Variants in PAK5 observed in about 807,000 individuals in gnomAD.
PAK5 encodes p21 (RAC1) activated kinase 5.
Under a neutral mutation model 65.9 loss-of-function variants are expected in PAK5, and 16 were observed. That is an observed-to-expected ratio of 0.24 (90% CI 0.16 to 0.37). The LOEUF (loss-of-function observed/expected upper bound fraction) is 0.37. Among genes scored for constraint, PAK5 ranks in the 10% least tolerant of loss-of-function variants. The pLI is 1.00. For missense variants in PAK5, 785 were observed against 903.9 expected (o/e 0.87, Z 1.69); for synonymous variants, 371 against 354.9 (o/e 1.05, Z -0.51).
chr20:9,705,615 A>G (rs2047996867), intron 2 of PAK5, among the ~76,000 whole-genome samples: 1 of 152,116 alleles, frequency 6.6e-6, no homozygotes, highest in South Asian at 2.1e-4. Flanking sequence ...GCATCCTGGA[A>G]AACTCCTCAG....
chr20:9,549,298 G>C (rs1375594678), intron 7 of PAK5, among the ~76,000 whole-genome samples: 1 of 152,076 alleles, frequency 6.6e-6, no homozygotes, highest in East Asian at 1.9e-4. Flanking sequence ...ATACAAATAA[G>C]GGAGAGGAGA....
At chr20:9,601,583 C>T (rs559088277) in intron 3 of PAK5, among the ~76,000 whole-genome samples, 1 of 152,188 alleles carries the variant, frequency 6.6e-6, no homozygotes, top group South Asian at 2.1e-4. Flanking sequence ...TCGATTCTTC[C>T]CTCCTTCCCT....
intron 2 of PAK5, among the ~76,000 whole-genome samples, chr20:9,710,224 G>C (rs1286172795): frequency 6.6e-6 from 1 of 152,088 alleles, no homozygotes; most frequent in African/African-American, 2.4e-5. Flanking sequence ...CAGGAAGCAG[G>C]AGAAGAGCTA....
At chr20:9,622,934 T>C (rs2046792228) in intron 3 of PAK5, among the ~76,000 whole-genome samples, 1 of 152,206 alleles carries the variant, frequency 6.6e-6, no homozygotes, top group Non-Finnish European at 1.5e-5. Flanking sequence ...ATTGAATTAA[T>C]TCTGAATGGA....
intron 1 of PAK5, among the ~76,000 whole-genome samples, chr20:9,831,452 T>C (rs1392569208): frequency 6.6e-6 from 1 of 152,260 alleles, no homozygotes; most frequent in Non-Finnish European, 1.5e-5. Context: ...TGTATATCAC[T>C]GCTTATTTGT....
intron 3 of PAK5, among the ~76,000 whole-genome samples, chr20:9,595,168 T>A (rs1397905583): frequency 1.3e-5 from 2 of 151,782 alleles, no homozygotes; most frequent in African/African-American, 4.8e-5. Flanking sequence ...ATCTAGCCCC[T>A]AAACTTCAGA....
At chr20:9,707,364 C>A (rs6141011) in intron 2 of PAK5, among the ~76,000 whole-genome samples, 101,960 of 151,660 alleles carry the variant, frequency 0.67, 34,491 homozygotes, top group East Asian at 0.84. Context: ...TCTACCTCAG[C>A]CTCTTAAAGT....
At chr20:9,612,591 C>T (rs219849) in intron 3 of PAK5, among the ~76,000 whole-genome samples, 72,388 of 151,848 alleles carry the variant, frequency 0.48, 17,657 homozygotes, top group South Asian at 0.72. Flanking sequence ...ATCATGAGGA[C>T]AGTACCAAGA....
At chr20:9,806,877 T>TC (rs2049239225) in intron 1 of PAK5, among the ~76,000 whole-genome samples, 1 of 152,168 alleles carries the variant, frequency 6.6e-6, no homozygotes, top group Admixed American at 6.6e-5. Context: ...ACAGAATGGG[T>TC]CTTATGCATG....
intron 1 of PAK5, among the ~76,000 whole-genome samples, chr20:9,793,112 C>G (rs1177746156): frequency 6.6e-6 from 1 of 152,094 alleles, no homozygotes; most frequent in East Asian, 1.9e-4. Context: ...TGTATCACAT[C>G]AATACACTGG....
chr20:9,627,433 A>C (rs1173313116), intron 3 of PAK5, among the ~76,000 whole-genome samples: 1 of 152,170 alleles, frequency 6.6e-6, no homozygotes, highest in Non-Finnish European at 1.5e-5. Flanking sequence ...TGCTAATGTC[A>C]GATGCTGCTG....
At chr20:9,667,212 G>A (rs1374389524) in intron 2 of PAK5, among the ~76,000 whole-genome samples, 2 of 152,168 alleles carry the variant, frequency 1.3e-5, no homozygotes, top group Non-Finnish European at 2.9e-5. Context: ...GGGAGGCAGA[G>A]GTTGCAGTTA....
chr20:9,836,807 AAATTATGATT>A (rs1979184402), intron 1 of PAK5, among the ~76,000 whole-genome samples: 1 of 152,220 alleles, frequency 6.6e-6, no homozygotes, highest in Non-Finnish European at 1.5e-5. Flanking sequence ...CTGGTGGTTT[AAATTATGATT>A]AATCCGTACA....
In PAK5 at chr20:9,537,733, A is replaced by T. The variant is rs747477459; in HGVS notation, c.*1729T>A. 42 of 221,222 alleles carry T rather than the reference A, an allele frequency of 1.9e-4. No homozygotes were observed. The highest frequency in any genetic ancestry group is 3.5e-4 in the Non-Finnish European group (39 of 110,612). 13.7% of individuals were successfully genotyped at this position (221,222 alleles called of 1,614,324 possible). ...ATTTAGATTGTTTTTATTCTCACAT[A>T]TTTATATTAATGCTTTAATATTTTA... On this transcript the variant is annotated 3_prime_UTR_variant, in exon 10 of 10. Coordinates refer to ENST00000353224, the MANE Select transcript of PAK5 (RefSeq NM_177990.4).
intron 2 of PAK5, among the ~76,000 whole-genome samples, chr20:9,690,245 T>G (rs1226288499): frequency 6.6e-6 from 1 of 152,182 alleles, no homozygotes; most frequent in Non-Finnish European, 1.5e-5. Flanking sequence ...CCATCTAAAA[T>G]GCCCCCATGT....
chr20:9,549,629 C>T (rs1024239306), intron 7 of PAK5, among the ~76,000 whole-genome samples: 7 of 152,128 alleles, frequency 4.6e-5, no homozygotes, highest in Admixed American at 6.5e-5. Context: ...AAACTCAGGA[C>T]GCCAATTCAT....
At chr20:9,671,999 G>T (rs900345256) in intron 2 of PAK5, among the ~76,000 whole-genome samples, 22 of 152,042 alleles carry the variant, frequency 1.4e-4, no homozygotes, top group Non-Finnish European at 2.8e-4. Flanking sequence ...AAAGAGCTTT[G>T]TTCCTAGTCT....
chr20:9,781,662 A>G (rs954795282), intron 1 of PAK5, among the ~76,000 whole-genome samples: 1 of 152,058 alleles, frequency 6.6e-6, no homozygotes, highest in Non-Finnish European at 1.5e-5. Flanking sequence ...CATTGAGGGG[A>G]TGGCAACTTC....
chr20:9,610,074 C>T (rs2046530225), intron 3 of PAK5, among the ~76,000 whole-genome samples: 1 of 151,970 alleles, frequency 6.6e-6, no homozygotes, highest in African/African-American at 2.4e-5. Context: ...CAAGCCTGCC[C>T]CCTGGTGTGA....
Sources: gnomAD v4.1 joint callset for allele counts (sites outside exome capture counted in the v4.1 genomes callset) on GRCh38, gnomAD v4.1.1 for gene constraint, MANE v1.5 for transcripts, NCBI Gene and HGNC (gene_info 2026-07-23, HGNC 2026-07-21) for gene names.